Variants in TLE2 observed in about 807,000 individuals in gnomAD.
The protein encoded by TLE2 is TLE family member 2, transcriptional corepressor.
TLE2 carries 74 observed loss-of-function variants against 97.2 expected under a neutral mutation model. The ratio of observed to expected loss-of-function variants is 0.76; its 90% CI spans 0.63 to 0.92. The LOEUF (loss-of-function observed/expected upper bound fraction) is 0.92. Among genes scored for constraint, TLE2 ranks in the 40% least tolerant of loss-of-function variants. TLE2 has a pLI of 0.00. For synonymous variants in TLE2, 499 were observed against 432.1 expected, an observed-to-expected ratio of 1.15 and a Z score of -1.92; for missense variants, 1,038 against 1,008.7, an observed-to-expected ratio of 1.03 and a Z score of -0.39.
chr19:3,028,365 T>C lies in TLE2; in HGVS notation c.140A>G (p.Glu47Gly). 1.2e-6 allele frequency: 2 copies of C among 1,608,526 alleles called. No homozygotes were observed. Among genetic ancestry groups the C allele is most frequent in the South Asian group, 2.2e-5 (2 of 90,066 alleles). ...AQYHSLKLEC[E>G]KLASEKTEMQ... ...TTCCGTCTTCTCGCTGGCCAGCTTC[T>C]CACATTCTAGCTTGAGGCTGAGAAG... Residue 47 changes from glutamate (E) to glycine (G), a missense_variant, in exon 3 of 20, where the codon GAG becomes GGG. Glu to Gly is a moderately conservative substitution (Grantham distance 98, BLOSUM62 -2). Transcript: ENST00000262953.
At chr19:3,010,999 G>GT (rs2089583391) in intron 12 of TLE2, 23 bp downstream of exon 12, 1 of 1,593,664 alleles carries the variant, frequency 6.3e-7, no homozygotes, top group African/African-American at 1.3e-5. Context: ...CTCCAGACAG[G>GT]CACCAACAGG....
intron 8 of TLE2, among the ~76,000 whole-genome samples, chr19:3,016,081 C>G (rs996558037): frequency 1.3e-5 from 2 of 151,822 alleles, no homozygotes. Context: ...GGATTACAGG[C>G]GCCACCACCA....
At chr19:3,013,602 G>A in intron 11 of TLE2, 67 bp downstream of exon 11, 2 of 1,292,248 alleles carry the variant, frequency 1.5e-6, no homozygotes, top group Non-Finnish European at 2.0e-6. Context: ...TGCATCATGG[G>A]GTAGCGTCTG....
chr19:3,029,131 G>C lies in TLE2; in HGVS notation c.-227C>G. Reference sequence around the variant, plus strand: ...GGTTGGGGTGCGCGGGGCGAGCGGGGCGGGCAGGGGCAGCGGCCGGGGCGG... The same window carrying C: ...GGTTGGGGTGCGCGGGGCGAGCGGGCCGGGCAGGGGCAGCGGCCGGGGCGG... On this transcript the variant is annotated 5_prime_UTR_variant, in exon 1 of 20. Transcript: ENST00000262953. 1 of 1,077,646 alleles carries C rather than the reference G, an allele frequency of 9.3e-7. No individual in the cohort carries two copies. Among genetic ancestry groups the C allele is most frequent in the East Asian group, 5.5e-5 (1 of 18,154 alleles). The allele number at this position is 1,077,646 out of a possible 1,614,324, so 66.8% of individuals were successfully genotyped here. A position where few individuals can be genotyped will look rare whatever the true frequency, so the allele number is the denominator to read the frequency against.
intron 18 of TLE2, among the ~76,000 whole-genome samples, chr19:3,001,051 T>C (rs1037968928): frequency 2.0e-5 from 3 of 151,758 alleles, no homozygotes; most frequent in African/African-American, 7.3e-5. Context: ...GGTGGCTGGG[T>C]CACTTGAGGT....
chr19:3,007,149 G>A (rs1016559627), intron 14 of TLE2, among the ~76,000 whole-genome samples: 2 of 151,010 alleles, frequency 1.3e-5, no homozygotes, highest in Admixed American at 6.6e-5. Flanking sequence ...GGGCAGTAGC[G>A]TGATCTGGAC....
chr19:3,038,385 A>C (rs1170095867), intron 1 of TLE2, among the ~76,000 whole-genome samples: 2 of 152,082 alleles, frequency 1.3e-5, no homozygotes, highest in Admixed American at 6.6e-5. Context: ...ATTTAAAAAA[A>C]ATTTTTTTGT....
intron 11 of TLE2, 138 bp downstream of exon 11, chr19:3,013,531 A>C (rs940480438): frequency 4.6e-6 from 4 of 863,100 alleles, no homozygotes; most frequent in Non-Finnish European, 6.3e-6. Flanking sequence ...TTTAAAAAAA[A>C]AAGCACAGGG....
chr19:3,042,490 C>T (rs1255950923), intron 1 of TLE2, among the ~76,000 whole-genome samples: 12 of 84,286 alleles, frequency 1.4e-4, no homozygotes, highest in South Asian at 1.4e-3. Context: ...GGAGCGGGGA[C>T]GGGGATGGTA....
intron 17 of TLE2, among the ~76,000 whole-genome samples, chr19:3,003,531 G>C (rs1190868303): frequency 1.3e-5 from 2 of 151,966 alleles, no homozygotes; most frequent in Non-Finnish European, 2.9e-5. Flanking sequence ...CCAGCTACTC[G>C]GGAGGCTGAG....
intron 1 of TLE2, among the ~76,000 whole-genome samples, chr19:3,040,628 C>G (rs1333773109): frequency 6.6e-6 from 1 of 151,660 alleles, no homozygotes; most frequent in East Asian, 1.9e-4. Context: ...CGTGAGCCAT[C>G]TCACCCGGCA....
Position 2,999,626 on chromosome 19 carries a change from C to A in TLE2, c.2124+1021G>T, listed in dbSNP as rs187031294. On this transcript the variant is annotated intron_variant, in intron 19 of 19. Coordinates refer to ENST00000262953, the MANE Select transcript of TLE2 (RefSeq NM_003260.5). Reference sequence around the variant, plus strand: ...CCTGGAGTCCCAGCTACTCGGGAGGCTGAGGCAGGAGAATGGTGTGAACCC... The same window carrying A: ...CCTGGAGTCCCAGCTACTCGGGAGGATGAGGCAGGAGAATGGTGTGAACCC... Among the ~76,000 whole-genome samples, 96 of 151,220 alleles carry A rather than the reference C, an allele frequency of 6.3e-4. 1 individual carries two copies. The East Asian group carries it at 0.014, about 22-fold the overall frequency.
intron 1 of TLE2, among the ~76,000 whole-genome samples, chr19:3,036,580 T>G (rs1402112415): frequency 6.6e-6 from 1 of 152,240 alleles, no homozygotes; most frequent in Non-Finnish European, 1.5e-5. Context: ...GGGTGACCTC[T>G]GAGCCTCAGC....
At chr19:3,037,825 C>A (rs1296082372) in intron 1 of TLE2, among the ~76,000 whole-genome samples, 3 of 152,102 alleles carry the variant, frequency 2.0e-5, no homozygotes, top group Admixed American at 6.6e-5. Flanking sequence ...AAAGTACTTA[C>A]AATAATGCAT....
At position 3,019,813 on chromosome 19, in the gene TLE2, C is replaced by G. The variant is rs1220243936; in HGVS notation, c.295-40G>C. The G allele has an allele frequency of 6.3e-7, 1 of 1,595,378 alleles. No individual in the cohort carries two copies. The highest frequency in any genetic ancestry group is 1.1e-5 in the South Asian group (1 of 88,298). On this transcript the variant is annotated intron_variant, in intron 5 of 19. Transcript: ENST00000262953. This position sits in a 1 kb window ranked among gnomAD's most constrained non-coding sequence, Gnocchi z 5.1. ...GGATCAGGTAGAGGGTACATTGAGC[C>G]CCTGCTCATGCTAGCGGTGCCCTTG...
intron 11 of TLE2, among the ~76,000 whole-genome samples, chr19:3,012,158 C>G (rs1020608221): frequency 1.3e-5 from 2 of 152,162 alleles, no homozygotes; most frequent in African/African-American, 2.4e-5. Context: ...GAGGCTGAGG[C>G]AGGAGAATCT....
intron 8 of TLE2, among the ~76,000 whole-genome samples, chr19:3,017,031 G>A (rs186095859): frequency 6.6e-6 from 1 of 152,120 alleles, no homozygotes; most frequent in Non-Finnish European, 1.5e-5. Context: ...ACCCACCTTG[G>A]CCTCCCAAAG....
At chr19:3,009,483 C>G (rs2089544172) in intron 13 of TLE2, 59 bp downstream of exon 13, 1 of 1,514,110 alleles carries the variant, frequency 6.6e-7, no homozygotes, top group African/African-American at 1.4e-5. Context: ...GGTTTCTCCT[C>G]CCGGCCCCCA....
intron 5 of TLE2, among the ~76,000 whole-genome samples, chr19:3,023,958 G>A (rs1291220457): frequency 6.6e-6 from 1 of 150,574 alleles, no homozygotes; most frequent in Non-Finnish European, 1.5e-5. Flanking sequence ...AGGTACTGAG[G>A]ATGAAAGGAA....
Sources: allele counts gnomAD v4.1 joint callset (sites outside exome capture counted in the v4.1 genomes callset), GRCh38; gene constraint gnomAD v4.1.1; non-coding constraint Gnocchi (gnomAD v3.1); transcripts MANE v1.5; gene names NCBI Gene and HGNC (gene_info 2026-07-23, HGNC 2026-07-21).